The following CERS3 variants were observed in gnomAD, a reference collection of about 807,000 sequenced individuals.
The protein encoded by CERS3 is ceramide synthase 3, also known as LAG1 homolog, ceramide synthase 3.
Under a neutral mutation model 50.3 loss-of-function variants are expected in CERS3, and 33 were observed. The observed-to-expected ratio is 0.66, with a 90% CI of 0.50 to 0.88. CERS3 has a LOEUF of 0.88. Ranked by LOEUF, CERS3 falls within the 40% of genes least tolerant of loss-of-function variation. The pLI is 0.00. For missense variants in CERS3, 470 were observed against 460.3 expected, an observed-to-expected ratio of 1.02 and a Z score of -0.19; for synonymous variants, 176 against 155.2, an observed-to-expected ratio of 1.13 and a Z score of -0.99.
chr15:100,418,812 T>G (rs976208219), intron 11 of CERS3, among the ~76,000 whole-genome samples: 11 of 147,202 alleles, frequency 7.5e-5, no homozygotes, highest in Non-Finnish European at 1.7e-4. Context: ...CAACCCAGAA[T>G]TTCATATCCA....
chr15:100,412,591 C>A (rs997349297), intron 11 of CERS3, among the ~76,000 whole-genome samples: 3 of 152,100 alleles, frequency 2.0e-5, no homozygotes, highest in Admixed American at 1.3e-4. Flanking sequence ...ACCTTAAGAT[C>A]AGTTTAGCCA....
chr15:100,417,320 C>T (rs1180105553), intron 11 of CERS3, among the ~76,000 whole-genome samples: 8 of 152,040 alleles, frequency 5.3e-5, no homozygotes, highest in South Asian at 2.1e-4. Context: ...AAAGGGGTGA[C>T]GGACGCACCT....
At chr15:100,502,262 A>AG (rs2036031705) in intron 2 of CERS3, among the ~76,000 whole-genome samples, 2 of 135,284 alleles carry the variant, frequency 1.5e-5, no homozygotes, top group African/African-American at 5.2e-5. Context: ...AAAAAAAAAA[A>AG]AAAAAAAAGA....
intron 1 of CERS3, among the ~76,000 whole-genome samples, chr15:100,525,767 T>A (rs897138728): frequency 1.3e-5 from 2 of 152,222 alleles, no homozygotes; most frequent in East Asian, 1.9e-4. Context: ...CAAGGACAAA[T>A]CTTAAGGCAG....
chr15:100,493,866 T>C (rs985592356), intron 3 of CERS3, among the ~76,000 whole-genome samples: 2 of 152,122 alleles, frequency 1.3e-5, no homozygotes, highest in East Asian at 3.9e-4. Context: ...AATTACTTTA[T>C]TGATGTTCTT....
intron 1 of CERS3, among the ~76,000 whole-genome samples, chr15:100,540,578 T>C (rs1390010910): frequency 6.6e-6 from 1 of 152,182 alleles, no homozygotes; most frequent in Non-Finnish European, 1.5e-5. Context: ...CTTCCTAAAC[T>C]CTTTATGCTA....
intron 1 of CERS3, among the ~76,000 whole-genome samples, chr15:100,523,863 G>A (rs924288217): frequency 6.6e-6 from 1 of 152,150 alleles, no homozygotes; most frequent in Non-Finnish European, 1.5e-5. Context: ...CATGTGGCTA[G>A]CAGCTGCCAT....
At chr15:100,428,631 G>T (rs1332461004) in intron 11 of CERS3, among the ~76,000 whole-genome samples, 2 of 152,202 alleles carry the variant, frequency 1.3e-5, no homozygotes, top group Non-Finnish European at 2.9e-5. Context: ...AACTGCTCCA[G>T]TTGAGAACCA....
At position 100,534,455 on chromosome 15, in the gene CERS3, T is replaced by C. The variant is rs184646238; in HGVS notation, c.-354-5380A>G. Among the ~76,000 whole-genome samples, 378 of 151,978 alleles carry C rather than the reference T, an allele frequency of 2.5e-3. 1 individual carries two copies. Among genetic ancestry groups the C allele is most frequent in the South Asian group, 4.0e-3 (19 of 4,800 alleles). On this transcript the variant is annotated intron_variant, in intron 1 of 12. Transcript: ENST00000284382. ...GCACAGTGTGAATGTTAGCTGTGATTATGCTTATGATGACTATAATGATTA... is the reference window on the plus strand; with the variant it reads ...GCACAGTGTGAATGTTAGCTGTGATCATGCTTATGATGACTATAATGATTA...
chr15:100,469,242 A>G, intron 10 of CERS3, 136 bp downstream of exon 10: 1 of 640,034 alleles, frequency 1.6e-6, no homozygotes. Flanking sequence ...GCTCCATCAC[A>G]TTCTTTTCTC....
intron 2 of CERS3, among the ~76,000 whole-genome samples, chr15:100,513,142 G>C (rs777616294): frequency 6.6e-6 from 1 of 152,086 alleles, no homozygotes; most frequent in Non-Finnish European, 1.5e-5. Flanking sequence ...GTTTCTCTTG[G>C]CTCTGTAATA....
rs186515244 is a variant in CERS3 at position 100,422,968 on chromosome 15, G to A, written c.1000-20103C>T. 1.1e-3 allele frequency among the ~76,000 whole-genome samples: 165 copies of A among 150,526 alleles called. 1 individual carries two copies. Among genetic ancestry groups the A allele is most frequent in the African/African-American group, 3.3e-3 (134 of 40,892 alleles). ...GGGGGAGGGGGGAGGGATAGTATCC[G>A]GAGATATACCTAATGCTAGATGACG... On this transcript the variant is annotated intron_variant, in intron 11 of 11. Coordinates refer to ENST00000679737, the MANE Select transcript of CERS3 (RefSeq NM_001378789.1).
chr15:100,529,815 G>T (rs1053327324), upstream of CERS3, among the ~76,000 whole-genome samples: 1 of 152,164 alleles, frequency 6.6e-6, no homozygotes, highest in Non-Finnish European at 1.5e-5. Context: ...CCCACACTGA[G>T]AGCCTGATTC....
At chr15:100,523,700 C>CAAA (rs34875423) in intron 1 of CERS3, among the ~76,000 whole-genome samples, 7 of 51,430 alleles carry the variant, frequency 1.4e-4, no homozygotes, top group South Asian at 6.3e-4. Flanking sequence ...GACTCCATCT[C>CAAA]AAAAAAAAAA....
chr15:100,428,767 G>A (rs1319933183), intron 11 of CERS3, among the ~76,000 whole-genome samples: 1 of 152,204 alleles, frequency 6.6e-6, no homozygotes, highest in Non-Finnish European at 1.5e-5. Flanking sequence ...CACACAATAA[G>A]AAATACATCG....
intron 5 of CERS3, among the ~76,000 whole-genome samples, chr15:100,483,252 ACT>A (rs764369694): frequency 1.3e-5 from 2 of 151,932 alleles, no homozygotes; most frequent in Non-Finnish European, 2.9e-5. Context: ...GCTGGTGTAC[ACT>A]CCCATGTGCC....
At chr15:100,505,009 G>A (rs954536615) in intron 2 of CERS3, among the ~76,000 whole-genome samples, 1 of 152,154 alleles carries the variant, frequency 6.6e-6, no homozygotes, top group South Asian at 2.1e-4. Context: ...GGCCACAGAG[G>A]CTCTCTGTAA....
At chr15:100,533,588 C>T (rs1164068739), upstream of CERS3, among the ~76,000 whole-genome samples, 15 of 119,884 alleles carry the variant, frequency 1.3e-4, no homozygotes, top group African/African-American at 4.3e-4. Flanking sequence ...TTTTGAGTCT[C>T]GCTCTGTCAC....
intron 1 of CERS3, among the ~76,000 whole-genome samples, chr15:100,541,740 A>C (rs2037206962): frequency 6.6e-6 from 1 of 152,222 alleles, no homozygotes; most frequent in African/African-American, 2.4e-5. Context: ...GTCTCTTATT[A>C]AAAAATGGAA....
Sources: allele counts gnomAD v4.1 joint callset (sites outside exome capture counted in the v4.1 genomes callset), GRCh38; gene constraint gnomAD v4.1.1; transcripts MANE v1.5; gene names NCBI Gene and HGNC (gene_info 2026-07-23, HGNC 2026-07-21).